COL4A1: variants seen among roughly 807,000 people sequenced by gnomAD.
The protein encoded by COL4A1 is collagen alpha-1(IV) chain.
COL4A1 carries 40 observed loss-of-function variants against 216.6 expected under a neutral mutation model. The ratio of observed to expected loss-of-function variants is 0.18; its 90% CI spans 0.14 to 0.24. The LOEUF is 0.24. COL4A1 is among the 10% of genes least tolerant of loss of function. COL4A1 has a pLI of 1.00. For synonymous variants in COL4A1, 839 were observed against 810.7 expected (o/e 1.03, Z -0.59); for missense variants, 1,628 against 2,196.8 (o/e 0.74, Z 5.18).
intron 25 of COL4A1, 103 bp downstream of exon 25, chr13:110,187,035 C>T: frequency 7.0e-7 from 1 of 1,425,850 alleles, no homozygotes; most frequent in Non-Finnish European, 9.9e-7. Context: ...GTGCCATCAT[C>T]AAGGAGATAG....
rs572379299 is a variant in COL4A1, at chr13:110,181,485, G to T, written c.2096-96C>A. The T allele has an allele frequency of 7.1e-5, 89 of 1,255,988 alleles. 3 individuals carry two copies. In the South Asian group the frequency reaches 1.0e-3, roughly 14 times the overall value. The allele number at this position is 1,255,988 out of a possible 1,614,324, so 77.8% of individuals were successfully genotyped here. ...TTCACTTTTAGTCTTGCCCAGAGATGCCGACCTGATCTGAGAAGGTCAACT... is the reference window on the plus strand; with the variant it reads ...TTCACTTTTAGTCTTGCCCAGAGATTCCGACCTGATCTGAGAAGGTCAACT... On this transcript the variant is annotated intron_variant, in intron 28 of 51. Coordinates refer to ENST00000375820, the MANE Select transcript of COL4A1 (RefSeq NM_001845.6).
chr13:110,157,522 G>A (rs1876843251), intron 49 of COL4A1, among the ~76,000 whole-genome samples: 1 of 152,234 alleles, frequency 6.6e-6, no homozygotes. Flanking sequence ...CAGGGACAAA[G>A]GGGCAGCCTC....
intron 18 of COL4A1, among the ~76,000 whole-genome samples, chr13:110,202,661 T>A (rs994159649): frequency 2.0e-5 from 3 of 152,090 alleles, no homozygotes; most frequent in Non-Finnish European, 2.9e-5. Context: ...CAAAAAAGTC[T>A]GGGGGCAAAA....
intron 2 of COL4A1, among the ~76,000 whole-genome samples, chr13:110,229,701 G>A (rs1358960708): frequency 6.6e-6 from 1 of 152,188 alleles, no homozygotes; most frequent in African/African-American, 2.4e-5. Context: ...TATGAAGAAG[G>A]GGTCCACAGC....
rs939182559 is a variant in COL4A1 at position 110,150,170 on chromosome 13, C to T, written c.*193G>A. 1.2e-5 allele frequency: 8 copies of T among 652,216 alleles called. No homozygotes were observed. The highest frequency in any genetic ancestry group is 3.6e-5 in the African/African-American group (2 of 55,674). 40.4% of individuals were successfully genotyped at this position (652,216 alleles called of 1,614,324 possible). A position where few individuals can be genotyped will look rare whatever the true frequency, so the allele number is the denominator to read the frequency against. ...TGGTATGCCACTATTGAAAGCTTAT[C>T]GCTGTCTTTTTCTCCTTCAGCAAGT... On this transcript the variant is annotated 3_prime_UTR_variant, in exon 52 of 52. Coordinates refer to ENST00000375820, the MANE Select transcript of COL4A1 (RefSeq NM_001845.6).
chr13:110,150,780 A>G (rs78383502), intron 51 of COL4A1, among the ~76,000 whole-genome samples: 3,788 of 152,200 alleles, frequency 0.025, 61 homozygotes, highest in East Asian at 0.037. Flanking sequence ...TCGTACTACA[A>G]TTTCACTTTT....
At chr13:110,218,961 C>T (rs929019917) in intron 2 of COL4A1, among the ~76,000 whole-genome samples, 7 of 152,198 alleles carry the variant, frequency 4.6e-5, no homozygotes, top group East Asian at 1.9e-4. Context: ...GAACTCTTTC[C>T]GAAATTCCAC....
At chr13:110,196,819 T>C (rs1041245634) in intron 21 of COL4A1, among the ~76,000 whole-genome samples, 2 of 152,208 alleles carry the variant, frequency 1.3e-5, no homozygotes, top group Admixed American at 6.5e-5. Flanking sequence ...AATGGCTGCA[T>C]TGTGTGGTTA....
rs1032842410 is a variant in COL4A1 at position 110,227,407 on chromosome 13, CACACACACACACACACACAA to C, written c.145-13412_145-13393del. 2.0e-4 allele frequency among the ~76,000 whole-genome samples: 29 copies of C among 145,310 alleles called. No homozygotes were observed. In the East Asian group the frequency reaches 4.2e-3, roughly 21 times the overall value. ...CGGTAGACACACACACACACACACACACACACACACACACACACAAACACACACAAACACAGAATCAGAAA... is the reference window on the plus strand; with the variant it reads ...CGGTAGACACACACACACACACACACACACACACAAACACAGAATCAGAAA... On this transcript the variant is annotated intron_variant, in intron 2 of 51. Transcript: ENST00000375820.
intron 1 of COL4A1, among the ~76,000 whole-genome samples, chr13:110,263,560 C>T (rs1882910503): frequency 6.6e-6 from 1 of 152,138 alleles, no homozygotes; most frequent in Admixed American, 6.5e-5. Context: ...CTCATGCGAT[C>T]CTCCTGCCCC....
Position 110,181,378 on chromosome 13 carries a change from A to G in COL4A1, c.2107T>C (p.Leu703=). The change falls in exon 29 of 52, where the codon TTA becomes CTA. Residue 703 remains leucine (L), a synonymous_variant. Transcript: ENST00000375820. ...CCCGGTGGCCCCATGTCTCCAGGTAAGCCGTCAACACCTGTTTTAAAGAGT... is the reference window on the plus strand; with the variant it reads ...CCCGGTGGCCCCATGTCTCCAGGTAGGCCGTCAACACCTGTTTTAAAGAGT... ...GPPGPKGVDG[L]PGDMGPPGTP... The G allele has an allele frequency of 3.7e-6, 6 of 1,613,302 alleles. No individual in the cohort carries two copies. Among genetic ancestry groups the G allele is most frequent in the Non-Finnish European group, 4.2e-6 (5 of 1,179,578 alleles).
rs766346293 is a variant in COL4A1, at chr13:110,211,922, C to G, written c.388G>C (p.Gly130Arg). Residue 130 changes from glycine (G) to arginine (R), a missense_variant and splice_region_variant, in exon 7 of 52, where the codon GGG becomes CGG. Transcript: ENST00000375820. The surrounding 1 kb of genome is among the most constrained non-coding windows in gnomAD (Gnocchi z 4.3). Reference protein sequence around the residue: ...PGIPGCNGTKGERGPLGPPGL... With the variant: ...PGIPGCNGTKRERGPLGPPGL... ...GGAGGCCCGAGCGGCCCTCTCTCCC[C>G]CTGGGGAGACAGCAGAGCATCATTC... 2.5e-6 allele frequency: 4 copies of G among 1,614,140 alleles called. No individual in the cohort carries two copies. Among genetic ancestry groups the G allele is most frequent in the Middle Eastern group, 1.6e-4 (1 of 6,062 alleles).
intron 1 of COL4A1, chr13:110,265,424 C>A (rs143149931): frequency 6.6e-6 from 1 of 152,378 alleles, no homozygotes; most frequent in Non-Finnish European, 1.5e-5. Flanking sequence ...TAAACTACAG[C>A]TGTGTGCAGT....
intron 2 of COL4A1, among the ~76,000 whole-genome samples, 183 bp from the exon 3 acceptor site, chr13:110,214,198 C>T (rs922977509): frequency 6.6e-6 from 1 of 152,186 alleles, no homozygotes; most frequent in Non-Finnish European, 1.5e-5. Flanking sequence ...TCAAGGGATT[C>T]TCCTGCCTCA....
chr13:110,301,534 T>C (rs1566456403), intron 1 of COL4A1, among the ~76,000 whole-genome samples: 2 of 152,190 alleles, frequency 1.3e-5, no homozygotes, highest in Non-Finnish European at 2.9e-5. Context: ...TCAAAGAGAT[T>C]ACAATGCTAC....
chr13:110,284,711 T>C (rs936396783), intron 1 of COL4A1, among the ~76,000 whole-genome samples: 2 of 152,196 alleles, frequency 1.3e-5, no homozygotes, highest in African/African-American at 4.8e-5. Flanking sequence ...ATCCTCATGA[T>C]ATGAAAAAGA....
chr13:110,206,965 A>C (rs1326389265), intron 13 of COL4A1, 74 bp from the exon 14 acceptor site: 28 of 1,414,088 alleles, frequency 2.0e-5, no homozygotes, highest in Middle Eastern at 3.6e-4. Flanking sequence ...TTAAACACAC[A>C]GCAGAAAAAA....
chr13:110,254,935 G>A (rs1882443618), intron 1 of COL4A1, among the ~76,000 whole-genome samples: 1 of 152,204 alleles, frequency 6.6e-6, no homozygotes, highest in South Asian at 2.1e-4. Flanking sequence ...CACTGTACTT[G>A]CAATCTGGAG....
intron 1 of COL4A1, among the ~76,000 whole-genome samples, chr13:110,248,884 C>A (rs1252349490): frequency 6.6e-6 from 1 of 152,168 alleles, no homozygotes; most frequent in Non-Finnish European, 1.5e-5. Flanking sequence ...GCAGCAGGCA[C>A]TCACACTTTT....
Sources: allele counts gnomAD v4.1 joint callset (sites outside exome capture counted in the v4.1 genomes callset), GRCh38; gene constraint gnomAD v4.1.1; non-coding constraint Gnocchi (gnomAD v3.1); transcripts MANE v1.5; gene names NCBI Gene and HGNC (gene_info 2026-07-23, HGNC 2026-07-21).